DCLK2: variants seen among roughly 807,000 people sequenced by gnomAD.
DCLK2 encodes serine/threonine-protein kinase DCLK2.
DCLK2 carries 31 observed loss-of-function variants against 78.4 expected under a neutral mutation model. The observed-to-expected ratio is 0.40, with a 90% CI of 0.30 to 0.53. DCLK2 has a LOEUF of 0.53. Among genes scored for constraint, DCLK2 ranks in the 20% least tolerant of loss-of-function variants. DCLK2 has a pLI of 0.61. For missense variants in DCLK2, 872 were observed against 973.7 expected, an observed-to-expected ratio of 0.90 and a Z score of 1.39; for synonymous variants, 407 against 374.9, an observed-to-expected ratio of 1.09 and a Z score of -0.99.
At chr4:150,213,608 T>TA (rs1017113042) in intron 5 of DCLK2, among the ~76,000 whole-genome samples, 46 of 151,704 alleles carry the variant, frequency 3.0e-4, no homozygotes, top group Middle Eastern at 6.8e-3. Context: ...TATTTTTTTT[T>TA]AAAAAAAAAT....
intron 2 of DCLK2, among the ~76,000 whole-genome samples, chr4:150,142,451 G>A (rs568560933): frequency 6.6e-6 from 1 of 152,198 alleles, no homozygotes; most frequent in South Asian, 2.1e-4. Context: ...AATATATAGT[G>A]TTTACCTGGA....
chr4:150,080,394 C>T (rs1274288201), intron 1 of DCLK2, among the ~76,000 whole-genome samples: 3 of 152,150 alleles, frequency 2.0e-5, no homozygotes, highest in Non-Finnish European at 4.4e-5. Context: ...TCATCCTTTT[C>T]AGGTAGAAAA....
chr4:150,159,147 G>A (rs1306137571), intron 2 of DCLK2, among the ~76,000 whole-genome samples: 1 of 152,116 alleles, frequency 6.6e-6, no homozygotes, highest in Admixed American at 6.5e-5. Context: ...TTCTTATATT[G>A]TGCCCTCCGG....
At chr4:150,175,890 G>A (rs1215261980) in intron 2 of DCLK2, among the ~76,000 whole-genome samples, 1 of 152,024 alleles carries the variant, frequency 6.6e-6, no homozygotes, top group East Asian at 1.9e-4. Context: ...CCTAACTCTT[G>A]GCCTATTCTT....
At chr4:150,157,236 A>G (rs1735354095) in intron 2 of DCLK2, among the ~76,000 whole-genome samples, 1 of 150,136 alleles carries the variant, frequency 6.7e-6, no homozygotes, top group Non-Finnish European at 1.5e-5. Context: ...ATTTATTACT[A>G]AAAATCTTTT....
At chr4:150,119,865 AT>A (rs1732392766) in intron 2 of DCLK2, among the ~76,000 whole-genome samples, 1 of 152,158 alleles carries the variant, frequency 6.6e-6, no homozygotes, top group Non-Finnish European at 1.5e-5. Context: ...GCTTTATAAC[AT>A]TTGCCTCTAT....
chr4:150,149,697 G>A (rs1405805907), intron 2 of DCLK2, among the ~76,000 whole-genome samples: 1 of 152,174 alleles, frequency 6.6e-6, no homozygotes, highest in Admixed American at 6.5e-5. Context: ...ATTCTCATGA[G>A]GCAAGGAAGC....
chr4:150,168,113 G>A (rs984615761), intron 2 of DCLK2, among the ~76,000 whole-genome samples: 1 of 152,168 alleles, frequency 6.6e-6, no homozygotes, highest in African/African-American at 2.4e-5. Flanking sequence ...GGAGGCCAAG[G>A]CGGGCGGATC....
Position 150,203,779 on chromosome 4 carries a change from G to C in DCLK2, c.962-16G>C. 6.2e-7 allele frequency: 1 copy of C among 1,603,600 alleles called. No homozygotes were observed. The highest frequency in any genetic ancestry group is 8.5e-7 in the Non-Finnish European group (1 of 1,170,724). Reference sequence around the variant, plus strand: ...TTTTAATGGGACTTCTGTCTTCTTTGTTGTCTCATGGGCAGTTAATGGAAC... The same window carrying C: ...TTTTAATGGGACTTCTGTCTTCTTTCTTGTCTCATGGGCAGTTAATGGAAC... On this transcript the variant is annotated splice_polypyrimidine_tract_variant and intron_variant, in intron 4 of 15. Transcript: ENST00000296550.
At chr4:150,163,425 A>G (rs1287286558) in intron 2 of DCLK2, among the ~76,000 whole-genome samples, 1 of 152,020 alleles carries the variant, frequency 6.6e-6, no homozygotes, top group Non-Finnish European at 1.5e-5. Context: ...AAATAAATAA[A>G]TAAACCAACC....
chr4:150,081,537 C>G (rs1452625482), intron 1 of DCLK2, among the ~76,000 whole-genome samples: 1 of 151,996 alleles, frequency 6.6e-6, no homozygotes, highest in African/African-American at 2.4e-5. Context: ...TATGACTTTG[C>G]CCACTTCTTT....
chr4:150,245,957 C>A (rs577940783), intron 12 of DCLK2, among the ~76,000 whole-genome samples: 1 of 152,060 alleles, frequency 6.6e-6, no homozygotes, highest in African/African-American at 2.4e-5. Context: ...CACATGCACA[C>A]GTATGTTTAT....
chr4:150,221,908 T>G (rs1402147772), intron 7 of DCLK2, 123 bp downstream of exon 7: 2 of 572,078 alleles, frequency 3.5e-6, no homozygotes, highest in Non-Finnish European at 5.9e-6. Context: ...TTCTGGAAAG[T>G]CTCTTTCATT....
At chr4:150,253,198 T>TA in intron 15 of DCLK2, 1 of 505,096 alleles carries the variant, frequency 2.0e-6, no homozygotes, top group Non-Finnish European at 4.0e-6. Flanking sequence ...AACCTCAAAA[T>TA]GACTCTCCCT....
At chr4:150,241,720 G>A (rs1443964094) in intron 12 of DCLK2, among the ~76,000 whole-genome samples, 1 of 152,138 alleles carries the variant, frequency 6.6e-6, no homozygotes, top group Non-Finnish European at 1.5e-5. Context: ...CAAGATCAAG[G>A]TACTGCAGAT....
At chr4:150,171,628 A>G (rs1736537527) in intron 2 of DCLK2, among the ~76,000 whole-genome samples, 1 of 152,234 alleles carries the variant, frequency 6.6e-6, no homozygotes, top group Admixed American at 6.5e-5. Context: ...TGTTAACTGG[A>G]GTGGGCCTTC....
intron 2 of DCLK2, among the ~76,000 whole-genome samples, chr4:150,156,932 G>A (rs114162082): frequency 0.014 from 2,096 of 151,496 alleles, 51 homozygotes; most frequent in African/African-American, 0.048. Context: ...CACCTGCTTG[G>A]CTAATTTATT....
intron 2 of DCLK2, among the ~76,000 whole-genome samples, chr4:150,178,231 A>G (rs537266667): frequency 9.2e-5 from 14 of 152,360 alleles, no homozygotes; most frequent in African/African-American, 2.4e-4. Context: ...ATAATGAACT[A>G]TCTTGCTTTG....
chr4:150,126,717 G>C (rs964914101), intron 2 of DCLK2, among the ~76,000 whole-genome samples: 5 of 152,154 alleles, frequency 3.3e-5, no homozygotes, highest in Non-Finnish European at 4.4e-5. Flanking sequence ...CCGTAATGCT[G>C]ATATCTTCTG....
Sources: allele counts gnomAD v4.1 joint callset (sites outside exome capture counted in the v4.1 genomes callset), GRCh38; gene constraint gnomAD v4.1.1; transcripts MANE v1.5; gene names NCBI Gene and HGNC (gene_info 2026-07-23, HGNC 2026-07-21).